The following FBRSL1 variants were observed in gnomAD, a reference collection of about 807,000 sequenced individuals.
FBRSL1 encodes fibrosin like 1.
Under a neutral mutation model 89.6 loss-of-function variants are expected in FBRSL1, and 51 were observed. The observed-to-expected ratio is 0.57, with a 90% confidence interval of 0.45 to 0.72. FBRSL1 has a LOEUF of 0.72. Among genes scored for constraint, FBRSL1 ranks in the 30% least tolerant of loss-of-function variants. The pLI is 0.00. For missense variants in FBRSL1, 1,618 were observed against 1,451.8 expected, an observed-to-expected ratio of 1.11 and a Z score of -1.86; for synonymous variants, 779 against 681.1, an observed-to-expected ratio of 1.14 and a Z score of -2.24.
At chr12:132,582,423 TC>T (rs1316389851) in intron 18 of FBRSL1, among the ~76,000 whole-genome samples, 157 bp downstream of exon 18, 1 of 47,866 alleles carries the variant, frequency 2.1e-5, no homozygotes, top group East Asian at 7.5e-4. Context: ...CCGTTCCCCC[TC>T]CCCCATTCCC....
intron 4 of FBRSL1, among the ~76,000 whole-genome samples, chr12:132,544,412 T>C (rs973884128): frequency 6.6e-6 from 1 of 152,158 alleles, no homozygotes; most frequent in African/African-American, 2.4e-5. Context: ...CTTTCCAGCC[T>C]TGGCCATCAG....
intron 2 of FBRSL1, among the ~76,000 whole-genome samples, chr12:132,516,783 G>C (rs1490046288): frequency 6.6e-6 from 1 of 152,212 alleles, no homozygotes; most frequent in African/African-American, 2.4e-5. Flanking sequence ...AAGCCCAGCG[G>C]CTTGGCTTTG....
At chr12:132,577,010 GA>G in intron 15 of FBRSL1, 79 bp downstream of exon 15, 2 of 1,492,650 alleles carry the variant, frequency 1.3e-6, no homozygotes, top group Non-Finnish European at 1.8e-6. Flanking sequence ...CCTGTGCCAG[GA>G]GTGAGAGCGC....
chr12:132,516,886 C>G (rs534331282), intron 2 of FBRSL1, among the ~76,000 whole-genome samples: 1 of 152,148 alleles, frequency 6.6e-6, no homozygotes, highest in Non-Finnish European at 1.5e-5. Context: ...CTAAATAGTT[C>G]ATTTGTTTTC....
At chr12:132,560,946 C>T (rs923767002) in intron 5 of FBRSL1, among the ~76,000 whole-genome samples, 3 of 152,200 alleles carry the variant, frequency 2.0e-5, no homozygotes, top group African/African-American at 7.2e-5. Context: ...TGGCCACTGC[C>T]AGAAGCCCTG....
chr12:132,510,980 T>C, intron 2 of FBRSL1: 9 of 988,088 alleles, frequency 9.1e-6, no homozygotes, highest in Non-Finnish European at 1.1e-5. Context: ...GGTGTGAGAG[T>C]GAGTGGCGTG....
intron 2 of FBRSL1, among the ~76,000 whole-genome samples, chr12:132,520,133 C>T (rs1213519286): frequency 4.7e-5 from 7 of 149,632 alleles, no homozygotes; most frequent in Middle Eastern, 3.5e-3. Flanking sequence ...CCCCTCCTTG[C>T]ACCCCTCCAG....
chr12:132,491,256 C>G (rs1216504255), intron 1 of FBRSL1, among the ~76,000 whole-genome samples: 1 of 152,180 alleles, frequency 6.6e-6, no homozygotes, highest in African/African-American at 2.4e-5. Context: ...AATGGATACT[C>G]CGCGGGCCAT....
At chr12:132,505,606 G>A (rs555891198) in intron 1 of FBRSL1, among the ~76,000 whole-genome samples, 2 of 152,364 alleles carry the variant, frequency 1.3e-5, no homozygotes, top group South Asian at 2.1e-4. Context: ...TCAGGTGTAC[G>A]TGGAGTGACT....
At chr12:132,553,429 G>A (rs1474399823) in intron 5 of FBRSL1, 1 of 152,254 alleles carries the variant, frequency 6.6e-6, no homozygotes, top group East Asian at 1.9e-4. Flanking sequence ...CGCTCCTTGT[G>A]TGGCAGGCTG....
chr12:132,567,449 G>T lies in FBRSL1; in HGVS notation c.646-32G>T, dbSNP rs1407560606. 5 of 1,550,450 alleles carry T rather than the reference G, an allele frequency of 3.2e-6. No homozygotes were observed. The East Asian group carries it at 1.2e-4, about 38-fold the overall frequency. Reference sequence around the variant, plus strand: ...GGTCCACGAGGATGAGGACCACCCTGACTGCCCCTGACCCCCCTTCTCTCT... The same window carrying T: ...GGTCCACGAGGATGAGGACCACCCTTACTGCCCCTGACCCCCCTTCTCTCT... On this transcript the variant is annotated intron_variant, in intron 5 of 18. Coordinates refer to ENST00000680143, the MANE Select transcript of FBRSL1 (RefSeq NM_001367871.1).
chr12:132,550,212 G>A (rs1691463913), intron 5 of FBRSL1, among the ~76,000 whole-genome samples: 1 of 152,136 alleles, frequency 6.6e-6, no homozygotes, highest in South Asian at 2.1e-4. Context: ...AGGGGAGGGA[G>A]AGGGGCTGCG....
At chr12:132,520,844 C>T (rs1182580279) in intron 2 of FBRSL1, among the ~76,000 whole-genome samples, 2 of 152,234 alleles carry the variant, frequency 1.3e-5, no homozygotes, top group African/African-American at 4.8e-5. Context: ...AGAGGTACCA[C>T]CCACCCACAG....
chr12:132,559,775 A>C (rs1221053000), intron 5 of FBRSL1, among the ~76,000 whole-genome samples: 1 of 152,170 alleles, frequency 6.6e-6, no homozygotes, highest in African/African-American at 2.4e-5. Context: ...TGAGGACCAG[A>C]GGAGCAGCGC....
chr12:132,581,939 T>G, intron 17 of FBRSL1, 115 bp downstream of exon 17: 1 of 1,288,240 alleles, frequency 7.8e-7, no homozygotes. Flanking sequence ...GGGCTGGGCC[T>G]CCTTGGGGCA....
chr12:132,502,539 G>A (rs567082369), intron 1 of FBRSL1, among the ~76,000 whole-genome samples: 5 of 152,104 alleles, frequency 3.3e-5, no homozygotes, highest in East Asian at 3.9e-4. Context: ...CCTCCCAGTC[G>A]GGCTGGTCAG....
chr12:132,508,954 A>G (rs868659374), intron 2 of FBRSL1, among the ~76,000 whole-genome samples: 1 of 152,162 alleles, frequency 6.6e-6, no homozygotes, highest in African/African-American at 2.4e-5. Context: ...TCCTGGGTGC[A>G]GCTCAGCCTG....
intron 18 of FBRSL1, 45 bp downstream of exon 18, chr12:132,582,311 C>T: frequency 1.3e-6 from 2 of 1,491,282 alleles, no homozygotes; most frequent in Non-Finnish European, 9.1e-7. Context: ...CACCCCTACC[C>T]CGTTCTTTCC....
intron 4 of FBRSL1, among the ~76,000 whole-genome samples, chr12:132,539,706 C>G (rs2037077466): frequency 8.6e-6 from 1 of 116,276 alleles, no homozygotes; most frequent in Non-Finnish European, 1.8e-5. Flanking sequence ...GCCCCATGCC[C>G]ACCCAGTCCA....
Sources: allele counts gnomAD v4.1 joint callset (sites outside exome capture counted in the v4.1 genomes callset), GRCh38; gene constraint gnomAD v4.1.1; transcripts MANE v1.5; gene names NCBI Gene and HGNC (gene_info 2026-07-23, HGNC 2026-07-21).